Variants in AKAP6 observed in about 807,000 individuals in gnomAD.
AKAP6 encodes A-kinase anchoring protein 6, also known as A-kinase anchor protein 6.
AKAP6 carries 58 observed loss-of-function variants against 188.5 expected under a neutral mutation model. The observed-to-expected ratio is 0.31, with a 90% CI of 0.25 to 0.38. AKAP6 has a LOEUF of 0.38. Ranked by LOEUF, AKAP6 falls within the 10% of genes least tolerant of loss-of-function variation. AKAP6 has a pLI of 1.00. For synonymous variants in AKAP6, 989 were observed against 998.6 expected (o/e 0.99, Z 0.18); for missense variants, 2,710 against 2,740.0 (o/e 0.99, Z 0.24).
At chr14:32,736,912 A>C (rs1404429012) in intron 11 of AKAP6, among the ~76,000 whole-genome samples, 1 of 152,096 alleles carries the variant, frequency 6.6e-6, no homozygotes, top group Non-Finnish European at 1.5e-5. Flanking sequence ...CCAATAAACT[A>C]TCTGCATTGC....
intron 7 of AKAP6, among the ~76,000 whole-genome samples, chr14:32,667,670 T>C (rs1439522087): frequency 6.6e-6 from 1 of 152,164 alleles, no homozygotes; most frequent in African/African-American, 2.4e-5. Flanking sequence ...AGCTGAGTGC[T>C]ACTGTGCATT....
intron 4 of AKAP6, 99 bp from the exon 5 acceptor site, chr14:32,577,021 T>C (rs924175075): frequency 2.2e-6 from 3 of 1,360,158 alleles, no homozygotes; most frequent in Non-Finnish European, 3.0e-6. Flanking sequence ...GATTTGATCA[T>C]GGATAAAATT....
chr14:32,766,512 A>G (rs1298014014), intron 11 of AKAP6, among the ~76,000 whole-genome samples: 1 of 152,132 alleles, frequency 6.6e-6, no homozygotes, highest in South Asian at 2.1e-4. Context: ...CCTTGTTAAC[A>G]CTTGTTATTT....
intron 2 of AKAP6, among the ~76,000 whole-genome samples, chr14:32,501,331 A>G (rs1273178416): frequency 1.3e-5 from 2 of 152,164 alleles, no homozygotes. Flanking sequence ...AAGTGCTACC[A>G]CATTGGACAG....
intron 11 of AKAP6, among the ~76,000 whole-genome samples, chr14:32,754,968 G>C (rs548364107): frequency 6.6e-6 from 1 of 152,050 alleles, no homozygotes; most frequent in African/African-American, 2.4e-5. Flanking sequence ...ATTATAATTT[G>C]TCCTGGTGAA....
intron 12 of AKAP6, among the ~76,000 whole-genome samples, chr14:32,803,622 A>G (rs1404340950): frequency 6.6e-6 from 1 of 152,032 alleles, no homozygotes; most frequent in Non-Finnish European, 1.5e-5. Flanking sequence ...TTTTGTTTAC[A>G]TTGATCTTTC....
At chr14:32,777,284 G>A (rs1389678750) in intron 12 of AKAP6, among the ~76,000 whole-genome samples, 1 of 152,146 alleles carries the variant, frequency 6.6e-6, no homozygotes, top group Non-Finnish European at 1.5e-5. Flanking sequence ...AATTTATAGT[G>A]TCTGACATCC....
chr14:32,678,501 A>G (rs757137051), intron 8 of AKAP6, 42 bp downstream of exon 8: 39 of 1,604,792 alleles, frequency 2.4e-5, no homozygotes, highest in South Asian at 2.1e-4. Context: ...TCACTAATCT[A>G]TTTTTTCAAT....
chr14:32,351,738 A>G (rs1364233186), intron 1 of AKAP6, among the ~76,000 whole-genome samples: 1 of 152,158 alleles, frequency 6.6e-6, no homozygotes, highest in African/African-American at 2.4e-5. Context: ...TGTTAGTGAT[A>G]GAAATTGAAT....
chr14:32,682,010 G>A (rs946254415), intron 8 of AKAP6, among the ~76,000 whole-genome samples: 3 of 152,206 alleles, frequency 2.0e-5, no homozygotes, highest in South Asian at 2.1e-4. Flanking sequence ...TTGTTAGGAG[G>A]AACCAGATCT....
At chr14:32,600,917 C>T in intron 7 of AKAP6, 125 bp downstream of exon 7, 1 of 784,724 alleles carries the variant, frequency 1.3e-6, no homozygotes, top group Non-Finnish European at 1.8e-6. Flanking sequence ...ATATCTCTCT[C>T]TATATATATA....
intron 5 of AKAP6, among the ~76,000 whole-genome samples, chr14:32,585,248 A>C (rs571502136): frequency 3.3e-5 from 5 of 152,186 alleles, no homozygotes; most frequent in Non-Finnish European, 7.3e-5. Flanking sequence ...TCTGCAGCCA[A>C]TCAGTATATT....
chr14:32,804,199 A>G (rs940898286), intron 12 of AKAP6, among the ~76,000 whole-genome samples: 16 of 152,182 alleles, frequency 1.1e-4, no homozygotes, highest in Non-Finnish European at 2.2e-4. Context: ...ATAGCCTGTA[A>G]TATTGCCTTC....
intron 8 of AKAP6, among the ~76,000 whole-genome samples, chr14:32,695,602 A>G (rs1358722567): frequency 1.3e-5 from 2 of 152,264 alleles, no homozygotes; most frequent in Non-Finnish European, 2.9e-5. Context: ...TTCTTACCCA[A>G]AATTCAGGAC....
At chr14:32,527,364 TTGGCAATCCTTGGTTGCTTCCAAGTTG>T (rs56909334) in intron 2 of AKAP6, among the ~76,000 whole-genome samples, 76,043 of 151,814 alleles carry the variant, frequency 0.5, 19,869 homozygotes, top group African/African-American at 0.64. Context: ...CTTCCAAGTT[TTGGCAATCCTTGGTTGCTTCCAAGTTG>T]TGGCAATTAT....
intron 1 of AKAP6, among the ~76,000 whole-genome samples, chr14:32,404,712 T>TATATATA (rs1491351629): frequency 9.5e-5 from 1 of 10,534 alleles, no homozygotes; most frequent in Non-Finnish European, 2.6e-4. Flanking sequence ...ATATATATAT[T>TATATATA]AGTCAGAATG....
At chr14:32,741,819 G>GT (rs34015837) in intron 11 of AKAP6, among the ~76,000 whole-genome samples, 23,634 of 70,720 alleles carry the variant, frequency 0.33, 6,651 homozygotes, top group Non-Finnish European at 0.45. Context: ...TAGCCTGTAG[G>GT]TTTTTTTTTT....
rs1318443125 is a variant in AKAP6 at position 32,822,205 on chromosome 14, G to C, written c.4392G>C (p.Val1464=). 1 of 1,613,756 alleles carries C rather than the reference G, an allele frequency of 6.2e-7. No individual in the cohort carries two copies. Among genetic ancestry groups the C allele is most frequent in the South Asian group, 1.1e-5 (1 of 91,072 alleles). The change falls in exon 13 of 14, where the codon GTG becomes GTC. Residue 1464 remains valine (V), a synonymous_variant. Transcript: ENST00000280979. Reference sequence around the variant, plus strand: ...AAGAATTACAAGGAAAACATGATGTGTTTACATTTTATGATTACTCATACC... The same window carrying C: ...AAGAATTACAAGGAAAACATGATGTCTTTACATTTTATGATTACTCATACC... The part of the protein sequence containing the change: ...LGEELQGKHD[V]FTFYDYSYLQ...
intron 2 of AKAP6, among the ~76,000 whole-genome samples, chr14:32,528,082 A>T (rs528294431): frequency 3.9e-5 from 6 of 152,158 alleles, no homozygotes; most frequent in Admixed American, 3.9e-4. Flanking sequence ...ATGGTTTTGC[A>T]TTTTACCCTT....
Sources: gnomAD v4.1 joint callset for allele counts (sites outside exome capture counted in the v4.1 genomes callset) on GRCh38, gnomAD v4.1.1 for gene constraint, MANE v1.5 for transcripts, NCBI Gene and HGNC (gene_info 2026-07-23, HGNC 2026-07-21) for gene names.